The following SLC26A4 variants were observed in gnomAD, a reference collection of about 807,000 sequenced individuals.
The protein encoded by SLC26A4 is pendrin.
Under a neutral mutation model 90.4 loss-of-function variants are expected in SLC26A4, and 93 were observed. The ratio of observed to expected loss-of-function variants is 1.03; its 90% CI spans 0.87 to 1.22. SLC26A4 has a LOEUF of 1.22. Among genes scored for constraint, SLC26A4 ranks in the 50% most tolerant of loss-of-function variants. SLC26A4 has a pLI of 0.00. For missense variants in SLC26A4, 1,127 were observed against 946.2 expected (o/e 1.19, Z -2.51); for synonymous variants, 393 against 354.6 (o/e 1.11, Z -1.22).
In SLC26A4 at chr7:107,715,789, C is replaced by T. The variant is rs139104953; in HGVS notation, c.*343C>T. 1.2e-5 allele frequency: 4 copies of T among 347,658 alleles called. No homozygotes were observed. The highest frequency in any genetic ancestry group is 1.0e-4 in the East Asian group (2 of 19,840). The allele number at this position is 347,658 out of a possible 1,614,324, so 21.5% of individuals were successfully genotyped here. A position where few individuals can be genotyped will look rare whatever the true frequency, so the allele number is the denominator to read the frequency against. On this transcript the variant is annotated 3_prime_UTR_variant, in exon 21 of 21. Coordinates refer to ENST00000644269, the MANE Select transcript of SLC26A4 (RefSeq NM_000441.2). ...TGACCCAACAGCCTCTGTGGTCAAG[C>T]GAGTCACGAATGATTAATCATAAAG... is the stretch of plus-strand genomic sequence containing the variant.
At chr7:107,682,279 G>A (rs1791262241) in intron 6 of SLC26A4, among the ~76,000 whole-genome samples, 2 of 151,886 alleles carry the variant, frequency 1.3e-5, no homozygotes, top group African/African-American at 2.4e-5. Context: ...GTATACATAT[G>A]TAACAAACCT....
intron 17 of SLC26A4, 75 bp downstream of exon 17, chr7:107,702,132 C>A: frequency 1.1e-6 from 1 of 917,202 alleles, no homozygotes; most frequent in South Asian, 1.4e-5. Context: ...TCCAGTATTG[C>A]AACAGGGCAA....
Position 107,701,101 on chromosome 7 carries a change from G to T in SLC26A4, c.1708G>T (p.Val570Phe). ...DGFKKCIKST[V>F]GFDAIRVYNK... ...AGTAACTTGACATTTATTTCCAAAG[G>T]TTGGATTTGATGCCATTAGAGTATA... Residue 570 changes from valine to phenylalanine, a missense_variant and splice_region_variant, in exon 16 of 21, where the codon GTT (valine) becomes TTT (phenylalanine). Transcript: ENST00000644269. 2 of 1,586,988 alleles carry T rather than the reference G, an allele frequency of 1.3e-6. No individual in the cohort carries two copies. Among genetic ancestry groups the T allele is most frequent in the Non-Finnish European group, 1.7e-6 (2 of 1,155,438 alleles).
intron 10 of SLC26A4, chr7:107,693,536 T>C: frequency 1.0e-6 from 1 of 985,206 alleles, no homozygotes; most frequent in Non-Finnish European, 1.2e-6. Flanking sequence ...CTGTCTCCTT[T>C]TCTTCTTTGT....
At chr7:107,674,913 A>G (rs1790979242) in intron 5 of SLC26A4, 32 bp from the exon 6 acceptor site, 1 of 1,607,982 alleles carries the variant, frequency 6.2e-7, no homozygotes, top group Non-Finnish European at 8.5e-7. Context: ...TCAGGCAAAC[A>G]TTTAATTTTT....
intron 20 of SLC26A4, among the ~76,000 whole-genome samples, 199 bp downstream of exon 20, chr7:107,712,821 C>T (rs1347171591): frequency 6.6e-6 from 1 of 152,070 alleles, no homozygotes; most frequent in Non-Finnish European, 1.5e-5. Context: ...ATCTTTTGTC[C>T]CAGGCATTTG....
chr7:107,661,556 C>A lies in SLC26A4; in HGVS notation c.-3-83C>A, dbSNP rs774271773. Reference sequence around the variant, plus strand: ...CCTGGCTGCAGCTAACAGGTGATCCCGTTCTTTCTGTTCCTCGCTCTTCCC... The same window carrying A: ...CCTGGCTGCAGCTAACAGGTGATCCAGTTCTTTCTGTTCCTCGCTCTTCCC... On this transcript the variant is annotated intron_variant, in intron 1 of 20. Transcript: ENST00000644269. The surrounding 1 kb of genome is among the most constrained non-coding windows in gnomAD (Gnocchi z 5.1). The A allele has an allele frequency of 3.5e-4, 495 of 1,415,698 alleles. No homozygotes were observed. The highest frequency in any genetic ancestry group is 4.5e-4 in the Non-Finnish European group (469 of 1,038,306). 87.7% of individuals were successfully genotyped at this position (1,415,698 alleles called of 1,614,324 possible).
intron 19 of SLC26A4, 64 bp from the exon 20 acceptor site, chr7:107,712,474 AT>A (rs1792218071): frequency 2.4e-6 from 2 of 831,536 alleles, no homozygotes; most frequent in Non-Finnish European, 4.3e-6. Flanking sequence ...GCTTCAAATC[AT>A]TTTCAGTGGA....
chr7:107,701,177 G>A lies in SLC26A4; in HGVS notation c.1784G>A (p.Gly595Glu). 5.0e-6 allele frequency: 8 copies of A among 1,604,040 alleles called. No homozygotes were observed. Among genetic ancestry groups the A allele is most frequent in the Middle Eastern group, 1.7e-4 (1 of 6,030 alleles). ...AAAATACAGAAACTAATAAAAAGTGGACAATTAAGAGCAACAAAGGTGAGA... is the reference window on the plus strand; with the variant it reads ...AAAATACAGAAACTAATAAAAAGTGAACAATTAAGAGCAACAAAGGTGAGA... ...LRKIQKLIKS[G>E]QLRATKNGII... The change falls in exon 16 of 21, where the codon GGA becomes GAA. Residue 595 changes from glycine (G) to glutamate (E), a missense_variant. Coordinates refer to ENST00000644269, the MANE Select transcript of SLC26A4 (RefSeq NM_000441.2).
At chr7:107,681,172 T>A (rs1033210947) in intron 6 of SLC26A4, among the ~76,000 whole-genome samples, 1 of 152,130 alleles carries the variant, frequency 6.6e-6, no homozygotes, top group African/African-American at 2.4e-5. Flanking sequence ...CCAGACAAAG[T>A]GAATTTGTTA....
intron 18 of SLC26A4, among the ~76,000 whole-genome samples, chr7:107,709,819 T>C (rs935040791): frequency 6.6e-6 from 1 of 152,160 alleles, no homozygotes; most frequent in African/African-American, 2.4e-5. Flanking sequence ...AAACTTAGTA[T>C]AGGTTGATGC....
intron 6 of SLC26A4, among the ~76,000 whole-genome samples, 174 bp downstream of exon 6, chr7:107,675,283 CT>C (rs1189493952): frequency 1.8e-5 from 1 of 56,296 alleles, no homozygotes; most frequent in Admixed American, 2.3e-4. Context: ...GACCTCATCT[CT>C]TAAAAAAAAA....
intron 16 of SLC26A4, among the ~76,000 whole-genome samples, 157 bp downstream of exon 16, chr7:107,701,353 A>ACTG (rs1791880680): frequency 6.6e-6 from 1 of 152,244 alleles, no homozygotes; most frequent in Non-Finnish European, 1.5e-5. Flanking sequence ...TCTTATAGGC[A>ACTG]AGCGGGAGTG....
chr7:107,697,845 A>T (rs1275751922), intron 13 of SLC26A4, among the ~76,000 whole-genome samples, 197 bp from the exon 14 acceptor site: 1 of 152,214 alleles, frequency 6.6e-6, no homozygotes, highest in Non-Finnish European at 1.5e-5. Context: ...AGAGAGGCAC[A>T]GTTCTCCCCT....
chr7:107,711,189 A>C (rs573101238), intron 19 of SLC26A4, among the ~76,000 whole-genome samples: 8 of 152,104 alleles, frequency 5.3e-5, no homozygotes, highest in Non-Finnish European at 1.2e-4. Flanking sequence ...ATCTAAAGAA[A>C]AAAAAACTGT....
chr7:107,686,413 C>CTTTT (rs1252513977), intron 8 of SLC26A4, among the ~76,000 whole-genome samples: 1 of 49,880 alleles, frequency 2.0e-5, no homozygotes, highest in Admixed American at 1.9e-4. Flanking sequence ...TTTTTTCTTT[C>CTTTT]TTTCTTTCTT....
chr7:107,681,695 C>A (rs1250296976), intron 6 of SLC26A4, among the ~76,000 whole-genome samples: 2 of 152,076 alleles, frequency 1.3e-5, no homozygotes, highest in African/African-American at 4.8e-5. Flanking sequence ...TGGGATTCTT[C>A]CTTGCTAATT....
At chr7:107,713,370 C>CT (rs1439592089) in intron 20 of SLC26A4, among the ~76,000 whole-genome samples, 6 of 152,214 alleles carry the variant, frequency 3.9e-5, no homozygotes, top group African/African-American at 1.4e-4. Context: ...TTGGAAGTCT[C>CT]TAAATGTTAC....
intron 16 of SLC26A4, 64 bp downstream of exon 16, chr7:107,701,260 G>T (rs945398973): frequency 9.9e-7 from 1 of 1,006,068 alleles, no homozygotes; most frequent in African/African-American, 1.6e-5. Context: ...GCAGTTAGAG[G>T]GTCTAAAATT....
Sources: allele counts gnomAD v4.1 joint callset (sites outside exome capture counted in the v4.1 genomes callset), GRCh38; gene constraint gnomAD v4.1.1; non-coding constraint Gnocchi (gnomAD v3.1); transcripts MANE v1.5; gene names NCBI Gene and HGNC (gene_info 2026-07-23, HGNC 2026-07-21).